Variants in GLRA3 observed in about 807,000 individuals in gnomAD.
GLRA3 encodes glycine receptor alpha 3.
A neutral mutation model predicts 60.4 loss-of-function variants in GLRA3; 44 were observed. The observed-to-expected ratio is 0.73, with a 90% CI of 0.57 to 0.94. The LOEUF (loss-of-function observed/expected upper bound fraction) is 0.94, where lower values mean the gene tolerates loss of function less well. Ranked by LOEUF, GLRA3 falls within the 40% of genes least tolerant of loss-of-function variation. The pLI is 0.00. For missense variants in GLRA3, 508 were observed against 564.6 expected, an observed-to-expected ratio of 0.90 and a Z score of 1.02; for synonymous variants, 223 against 192.9, an observed-to-expected ratio of 1.16 and a Z score of -1.29.
intron 6 of GLRA3, among the ~76,000 whole-genome samples, chr4:174,681,945 A>G (rs1466967665): frequency 6.6e-6 from 1 of 152,176 alleles, no homozygotes; most frequent in Admixed American, 6.6e-5. Flanking sequence ...TTTTGATCCG[A>G]TATTGTGAAT....
chr4:174,695,014 G>C (rs1734996078), intron 5 of GLRA3, among the ~76,000 whole-genome samples: 1 of 151,964 alleles, frequency 6.6e-6, no homozygotes. Context: ...AGTTTCCCAA[G>C]AATAAGCCAA....
In GLRA3 at chr4:174,743,989, G is replaced by A. The variant is rs142387520; in HGVS notation, c.268-15291C>T. Among the ~76,000 whole-genome samples the A allele has an allele frequency of 5.4e-3, 825 of 152,272 alleles. 12 individuals are homozygous for A. Among genetic ancestry groups the A allele is most frequent in the African/African-American group, 0.019 (782 of 41,540 alleles). On this transcript the variant is annotated intron_variant, in intron 3 of 9. Transcript: ENST00000274093. ...GGGACAGGCAAGCCAGAGGGCTGCC[G>A]GTCTGTGGCTGTGAGTGGTGACTAT...
At chr4:174,699,514 C>T (rs1467728008) in intron 5 of GLRA3, among the ~76,000 whole-genome samples, 2 of 152,042 alleles carry the variant, frequency 1.3e-5, no homozygotes, top group Non-Finnish European at 2.9e-5. Flanking sequence ...AATTATATAG[C>T]AAAATCATAG....
intron 1 of GLRA3, among the ~76,000 whole-genome samples, chr4:174,798,706 C>T (rs560258945): frequency 3.0e-4 from 45 of 152,292 alleles, no homozygotes; most frequent in African/African-American, 7.2e-4. Context: ...GGGCGGATCA[C>T]GAGGTCAGTA....
chr4:174,685,480 G>T (rs1352060), intron 5 of GLRA3, among the ~76,000 whole-genome samples: 1 of 152,158 alleles, frequency 6.6e-6, no homozygotes, highest in East Asian at 1.9e-4. Context: ...ATTCGGTAGA[G>T]TTTGTGAAAG....
At chr4:174,683,611 A>C (rs768880348) in intron 5 of GLRA3, among the ~76,000 whole-genome samples, 1 of 152,206 alleles carries the variant, frequency 6.6e-6, no homozygotes, top group Non-Finnish European at 1.5e-5. Flanking sequence ...GGCCTCCCAA[A>C]GTGCTGGGAT....
chr4:174,828,817 G>T lies in GLRA3; in HGVS notation c.-6C>A. Reference sequence around the variant, plus strand: ...AAGTGTCTCACGTGGGCCATGATACGGAGAGATATTCACGATCCTGAAAAT... The same window carrying T: ...AAGTGTCTCACGTGGGCCATGATACTGAGAGATATTCACGATCCTGAAAAT... On this transcript the variant is annotated 5_prime_UTR_variant, in exon 1 of 10. Coordinates refer to ENST00000274093, the MANE Select transcript of GLRA3 (RefSeq NM_006529.4). 2 of 1,592,718 alleles carry T rather than the reference G, an allele frequency of 1.3e-6. No individual in the cohort carries two copies. The highest frequency in any genetic ancestry group is 1.1e-5 in the South Asian group (1 of 90,654).
chr4:174,781,605 A>T (rs1490628927), intron 2 of GLRA3, among the ~76,000 whole-genome samples: 16 of 151,112 alleles, frequency 1.1e-4, no homozygotes, highest in African/African-American at 2.0e-4. Flanking sequence ...AGAATCAAAT[A>T]GACGCAATAA....
chr4:174,729,771 T>C (rs1046572979), intron 3 of GLRA3, among the ~76,000 whole-genome samples: 1 of 152,232 alleles, frequency 6.6e-6, no homozygotes, highest in African/African-American at 2.4e-5. Flanking sequence ...ACCACTTCAT[T>C]TGCATGCAAA....
At chr4:174,749,093 T>G (rs1421599878) in intron 3 of GLRA3, among the ~76,000 whole-genome samples, 1 of 152,104 alleles carries the variant, frequency 6.6e-6, no homozygotes, top group Non-Finnish European at 1.5e-5. Flanking sequence ...ATGTAAATTA[T>G]CTAGTAATAA....
chr4:174,722,995 C>G (rs1422268301), intron 4 of GLRA3: 1 of 167,040 alleles, frequency 6.0e-6, no homozygotes, highest in Non-Finnish European at 1.5e-5. Flanking sequence ...TACTGAAAGA[C>G]AAAAGATGCA....
chr4:174,770,292 G>A (rs533606016), intron 2 of GLRA3, among the ~76,000 whole-genome samples: 33 of 152,126 alleles, frequency 2.2e-4, no homozygotes, highest in South Asian at 1.7e-3. Flanking sequence ...ATGTTACTTG[G>A]TATGGCATGC....
intron 5 of GLRA3, among the ~76,000 whole-genome samples, chr4:174,689,534 A>G (rs1734700113): frequency 6.6e-6 from 1 of 151,988 alleles, no homozygotes; most frequent in Non-Finnish European, 1.5e-5. Context: ...AATAATGTAC[A>G]TTATATCCAT....
At chr4:174,808,882 C>G (rs1459993597) in intron 1 of GLRA3, among the ~76,000 whole-genome samples, 2 of 151,934 alleles carry the variant, frequency 1.3e-5, no homozygotes, top group East Asian at 3.9e-4. Flanking sequence ...GTCCTTTAAG[C>G]TAAGCATTGT....
At chr4:174,681,611 C>A (rs4627838) in intron 6 of GLRA3, among the ~76,000 whole-genome samples, 64,133 of 151,948 alleles carry the variant, frequency 0.42, 14,096 homozygotes, top group Middle Eastern at 0.54. Flanking sequence ...AGACAGGGAA[C>A]AACTCTTCCC....
chr4:174,645,470 C>T (rs978952125), intron 9 of GLRA3, among the ~76,000 whole-genome samples: 1 of 150,274 alleles, frequency 6.7e-6, no homozygotes, highest in African/African-American at 2.4e-5. Context: ...AAAGTAGCTC[C>T]TCAATGAATA....
At chr4:174,692,479 C>T (rs1351281826) in intron 5 of GLRA3, among the ~76,000 whole-genome samples, 4 of 150,160 alleles carry the variant, frequency 2.7e-5, no homozygotes, top group South Asian at 4.3e-4. Flanking sequence ...ATGACAATGG[C>T]GGTTTTGTGG....
chr4:174,806,242 C>T (rs542393766), intron 1 of GLRA3, among the ~76,000 whole-genome samples: 1 of 152,012 alleles, frequency 6.6e-6, no homozygotes, highest in South Asian at 2.1e-4. Context: ...TCGCTGCATG[C>T]GTAAGACTTT....
chr4:174,741,406 A>G (rs1011270369), intron 3 of GLRA3, among the ~76,000 whole-genome samples: 1 of 152,176 alleles, frequency 6.6e-6, no homozygotes, highest in African/African-American at 2.4e-5. Context: ...ACAAACATTT[A>G]AATTGCTCAT....
Sources: allele counts gnomAD v4.1 joint callset (sites outside exome capture counted in the v4.1 genomes callset), GRCh38; gene constraint gnomAD v4.1.1; transcripts MANE v1.5; gene names NCBI Gene and HGNC (gene_info 2026-07-23, HGNC 2026-07-21).